The following EPM2A variants were observed in gnomAD, a reference collection of about 807,000 sequenced individuals.
EPM2A encodes laforin.
EPM2A carries 21 observed loss-of-function variants against 26.5 expected under a neutral mutation model. The ratio of observed to expected loss-of-function variants is 0.79; its 90% CI spans 0.56 to 1.14. The LOEUF (loss-of-function observed/expected upper bound fraction) is 1.14. Ranked by LOEUF, EPM2A falls within the 50% of genes most tolerant of loss-of-function variation. The pLI is 0.00. For missense variants in EPM2A, 458 were observed against 440.8 expected (o/e 1.04, Z -0.35); for synonymous variants, 217 against 177.6 (o/e 1.22, Z -1.76).
chr6:145,619,958 T>G (rs564251015), intron 2 of EPM2A, among the ~76,000 whole-genome samples: 100 of 152,318 alleles, frequency 6.6e-4, no homozygotes, highest in African/African-American at 2.3e-3. Flanking sequence ...GTCTAAATAT[T>G]ATCAGAAATC....
At chr6:145,467,165 A>C (rs1430401221) in intron 4 of EPM2A, among the ~76,000 whole-genome samples, 2 of 151,950 alleles carry the variant, frequency 1.3e-5, no homozygotes, top group African/African-American at 4.8e-5. Flanking sequence ...AATAAATAAA[A>C]ATTATAAATA....
chr6:145,474,749 C>T (rs1779520847), intron 4 of EPM2A, among the ~76,000 whole-genome samples: 2 of 152,064 alleles, frequency 1.3e-5, no homozygotes, highest in African/African-American at 4.8e-5. Context: ...CCAGAATCTA[C>T]AAAGAACTTA....
intron 2 of EPM2A, among the ~76,000 whole-genome samples, chr6:145,595,623 T>C (rs1479209784): frequency 6.6e-6 from 1 of 152,026 alleles, no homozygotes. Flanking sequence ...ATTGCTCTTT[T>C]AAATTATATA....
intron 2 of EPM2A, among the ~76,000 whole-genome samples, chr6:145,545,358 A>G (rs959139112): frequency 2.0e-5 from 3 of 152,142 alleles, no homozygotes; most frequent in African/African-American, 7.2e-5. Context: ...AAGTCAAATC[A>G]TACAAGCACA....
intron 4 of EPM2A, among the ~76,000 whole-genome samples, chr6:145,399,094 A>G (rs1778447065): frequency 6.6e-6 from 1 of 152,176 alleles, no homozygotes; most frequent in Admixed American, 6.5e-5. Context: ...AGATCAAATA[A>G]AGAAAATTTA....
intron 4 of EPM2A, among the ~76,000 whole-genome samples, chr6:145,397,703 C>A (rs1487262941): frequency 6.6e-6 from 1 of 152,160 alleles, no homozygotes; most frequent in East Asian, 1.9e-4. Context: ...CTCCATTTAG[C>A]CCCATTGAAA....
In EPM2A at chr6:145,575,250, A is replaced by T. The variant is rs140772656; in HGVS notation, c.340+59995T>A. Among the ~76,000 whole-genome samples, 1,070 of 152,210 alleles carry T rather than the reference A, an allele frequency of 7.0e-3. 7 individuals carry two copies. Among genetic ancestry groups the T allele is most frequent in the Non-Finnish European group, 9.5e-3 (647 of 68,010 alleles). On this transcript the variant is annotated intron_variant, in intron 2 of 3. Coordinates refer to the EPM2A transcript ENST00000450221. ...GCTGTTTACTCTGGCAAAAAAGGTA[A>T]ATCAGAGTTTACAAACTCAGTGTTC...
intron 3 of EPM2A, among the ~76,000 whole-genome samples, chr6:145,632,882 A>C (rs534929777): frequency 6.6e-6 from 1 of 152,354 alleles, no homozygotes; most frequent in East Asian, 1.9e-4. Flanking sequence ...GGCCAAGCCA[A>C]AGAAATCCAT....
chr6:145,562,206 T>C (rs538852891), intron 2 of EPM2A, among the ~76,000 whole-genome samples: 100 of 151,864 alleles, frequency 6.6e-4, no homozygotes, highest in African/African-American at 2.3e-3. Flanking sequence ...CATTACCTCA[T>C]AGCCATTTCA....
intron 4 of EPM2A, among the ~76,000 whole-genome samples, chr6:145,477,821 A>G (rs1381009251): frequency 6.6e-6 from 1 of 151,894 alleles, no homozygotes; most frequent in Non-Finnish European, 1.5e-5. Context: ...CACAGCTAAT[A>G]TTATACTGAA....
At chr6:145,594,125 G>GA (rs1268720257) in intron 2 of EPM2A, among the ~76,000 whole-genome samples, 1 of 151,534 alleles carries the variant, frequency 6.6e-6, no homozygotes, top group Non-Finnish European at 1.5e-5. Flanking sequence ...AAGGAATTCT[G>GA]AAAAAACAAC....
chr6:145,477,664 A>C (rs1779559288), intron 4 of EPM2A, among the ~76,000 whole-genome samples: 1 of 151,962 alleles, frequency 6.6e-6, no homozygotes, highest in Admixed American at 6.6e-5. Flanking sequence ...ATATTAATCA[A>C]ATGAGGGATA....
At chr6:145,417,300 G>A (rs1280023894) in intron 4 of EPM2A, among the ~76,000 whole-genome samples, 2 of 152,144 alleles carry the variant, frequency 1.3e-5, no homozygotes, top group South Asian at 2.1e-4. Flanking sequence ...TGTTCTTCAC[G>A]TAGGAAAAAC....
At chr6:145,658,807 G>C (rs1325192345) in intron 2 of EPM2A, among the ~76,000 whole-genome samples, 3 of 152,058 alleles carry the variant, frequency 2.0e-5, no homozygotes, top group Non-Finnish European at 1.5e-5. Flanking sequence ...TTAACTCTTA[G>C]TCTTGTCAGT....
At chr6:145,717,723 T>C (rs1316213621) in intron 1 of EPM2A, among the ~76,000 whole-genome samples, 6 of 148,830 alleles carry the variant, frequency 4.0e-5, no homozygotes, top group South Asian at 2.2e-4. Flanking sequence ...AAAACACCAT[T>C]GTCTCAGCCC....
rs9484991 is a variant in EPM2A, at chr6:145,424,190, C to T, written c.556-40093G>A. ...GCTGTTCTACAAAAATCCTGGCACC[C>T]TTCAACAACCCTGCAGGACAATAAA... On this transcript the variant is annotated intron_variant, in intron 4 of 4. Transcript: ENST00000638717. Among the ~76,000 whole-genome samples the T allele has an allele frequency of 5.9e-3, 898 of 152,222 alleles. 6 individuals are homozygous for T. Among genetic ancestry groups the T allele is most frequent in the African/African-American group, 0.021 (863 of 41,522 alleles).
chr6:145,473,756 T>C (rs984080564), intron 4 of EPM2A, among the ~76,000 whole-genome samples: 1 of 152,150 alleles, frequency 6.6e-6, no homozygotes, highest in Non-Finnish European at 1.5e-5. Flanking sequence ...GAGAGTAGCA[T>C]GGCATATTGA....
At chr6:145,701,712 G>A (rs1473397901) in intron 1 of EPM2A, among the ~76,000 whole-genome samples, 1 of 152,164 alleles carries the variant, frequency 6.6e-6, no homozygotes, top group African/African-American at 2.4e-5. Context: ...GTGATGCACT[G>A]GAACACATTA....
intron 2 of EPM2A, among the ~76,000 whole-genome samples, chr6:145,545,156 TTCC>T (rs570131601): frequency 7.4e-4 from 113 of 152,122 alleles, no homozygotes; most frequent in African/African-American, 2.6e-3. Flanking sequence ...ACCACTAATT[TTCC>T]TCCTTACATT....
Sources: allele counts gnomAD v4.1 joint callset (sites outside exome capture counted in the v4.1 genomes callset), GRCh38; gene constraint gnomAD v4.1.1; transcripts MANE v1.5; gene names NCBI Gene and HGNC (gene_info 2026-07-23, HGNC 2026-07-21).